The following XKR9 variants were observed in gnomAD, a reference collection of about 807,000 sequenced individuals.
XKR9 encodes XK related 9.
A neutral mutation model predicts 32.0 loss-of-function variants in XKR9; 32 were observed. That is an observed-to-expected ratio of 1.00 (90% CI 0.76 to 1.34). The LOEUF is 1.34. XKR9 is among the 40% of genes most tolerant of loss of function. The pLI, the probability that XKR9 is intolerant of heterozygous loss-of-function variation, is 0.00. For synonymous variants in XKR9, 168 were observed against 143.4 expected, an observed-to-expected ratio of 1.17 and a Z score of -1.22; for missense variants, 546 against 429.7, an observed-to-expected ratio of 1.27 and a Z score of -2.39.
chr8:70,679,162 A>T (rs1818983468), intron 2 of XKR9, among the ~76,000 whole-genome samples: 1 of 152,062 alleles, frequency 6.6e-6, no homozygotes, highest in Admixed American at 6.6e-5. Flanking sequence ...CTATTGCATC[A>T]GGGCTCCAGA....
chr8:70,856,520 A>G, the XKR9 span, among the ~76,000 whole-genome samples: 1 of 152,144 alleles, frequency 6.6e-6, no homozygotes, highest in African/African-American at 2.4e-5. Context: ...GCACAATAAT[A>G]ATGGGAGACT....
chr8:70,894,793 C>A, the XKR9 span, among the ~76,000 whole-genome samples: 1 of 152,040 alleles, frequency 6.6e-6, no homozygotes, highest in Admixed American at 6.5e-5. Flanking sequence ...TGAAACGACT[C>A]CACTTCTGCT....
At position 70,681,038 on chromosome 8, in the gene XKR9, G is replaced by A. The variant is rs375091216; in HGVS notation, c.-21G>A. 90 of 1,573,656 alleles carry A rather than the reference G, an allele frequency of 5.7e-5. 1 individual carries two copies. Among genetic ancestry groups the A allele is most frequent in the Non-Finnish European group, 7.2e-5 (84 of 1,160,446 alleles). ...TGTGAGGGAGAAAAAAGTAGATAACGAAAAGCTATAGTCATTCGTAATGAA... is the reference window on the plus strand; with the variant it reads ...TGTGAGGGAGAAAAAAGTAGATAACAAAAAGCTATAGTCATTCGTAATGAA... On this transcript the variant is annotated 5_prime_UTR_variant, in exon 3 of 5. Coordinates refer to ENST00000408926, the MANE Select transcript of XKR9 (RefSeq NM_001011720.2).
At chr8:70,761,083 T>C (rs1807302734) in intron 2 of XKR9, among the ~76,000 whole-genome samples, 1 of 152,264 alleles carries the variant, frequency 6.6e-6, no homozygotes, top group African/African-American at 2.4e-5. Context: ...ACAGTGCTTA[T>C]GTACCACATT....
the XKR9 span, among the ~76,000 whole-genome samples, chr8:70,932,379 T>C: frequency 1.3e-5 from 2 of 152,064 alleles, no homozygotes; most frequent in Non-Finnish European, 2.9e-5. Context: ...AGCTGGACTT[T>C]TAAGGATGCA....
intron 2 of XKR9, among the ~76,000 whole-genome samples, chr8:70,787,411 T>C (rs1807702523): frequency 6.6e-6 from 1 of 152,106 alleles, no homozygotes. Context: ...AAATCTTCAA[T>C]GCAAAATAGG....
At chr8:70,901,666 T>C in the XKR9 span, among the ~76,000 whole-genome samples, 1 of 152,214 alleles carries the variant, frequency 6.6e-6, no homozygotes, top group Non-Finnish European at 1.5e-5. Context: ...TTAGTTTAAT[T>C]AGATCCAATT....
At chr8:70,739,655 C>T (rs781768502), downstream of XKR9, among the ~76,000 whole-genome samples, 2 of 152,024 alleles carry the variant, frequency 1.3e-5, no homozygotes, top group Non-Finnish European at 1.5e-5. Flanking sequence ...TCTTTTAGGG[C>T]AAGCTTGGTG....
chr8:70,982,880 A>G, the XKR9 span, among the ~76,000 whole-genome samples: 17 of 152,270 alleles, frequency 1.1e-4, no homozygotes, highest in East Asian at 2.7e-3. Flanking sequence ...ACATTTTCTA[A>G]GTGGTATTTT....
At chr8:70,813,584 C>A in the XKR9 span, among the ~76,000 whole-genome samples, 1 of 152,006 alleles carries the variant, frequency 6.6e-6, no homozygotes, top group Non-Finnish European at 1.5e-5. Flanking sequence ...TGAACTCAAA[C>A]AAATTTACAA....
intron 4 of XKR9, among the ~76,000 whole-genome samples, chr8:70,708,037 A>C (rs1190737290): frequency 6.6e-6 from 1 of 152,030 alleles, no homozygotes; most frequent in Non-Finnish European, 1.5e-5. Flanking sequence ...ATATCAGTTA[A>C]ACAGTGTCTC....
the XKR9 span, among the ~76,000 whole-genome samples, chr8:70,819,063 G>A: frequency 6.7e-6 from 1 of 149,836 alleles, no homozygotes; most frequent in Non-Finnish European, 1.5e-5. Flanking sequence ...CTGTTTACAG[G>A]CAAAGACATA....
chr8:70,899,321 T>A, the XKR9 span, among the ~76,000 whole-genome samples: 4 of 152,180 alleles, frequency 2.6e-5, no homozygotes, highest in African/African-American at 9.6e-5. Flanking sequence ...ACCAGTGTCT[T>A]TTTCCTTTCC....
intron 1 of XKR9, 82 bp from the exon 2 acceptor site, chr8:70,674,736 A>G (rs6472538): frequency 0.4 from 61,325 of 152,122 alleles, 13,904 homozygotes; most frequent in Non-Finnish European, 0.52. Flanking sequence ...AAAATGCCAC[A>G]TATGACTAAC....
the XKR9 span, among the ~76,000 whole-genome samples, chr8:70,864,009 G>A: frequency 7.9e-5 from 12 of 152,090 alleles, no homozygotes; most frequent in Admixed American, 5.2e-4. Flanking sequence ...AGTCACTTGG[G>A]CATGCAAATC....
At chr8:70,901,173 C>T in the XKR9 span, among the ~76,000 whole-genome samples, 1 of 152,194 alleles carries the variant, frequency 6.6e-6, no homozygotes, top group Non-Finnish European at 1.5e-5. Flanking sequence ...GGTATATACC[C>T]AGTAATGGGA....
chr8:70,810,533 A>G, the XKR9 span, among the ~76,000 whole-genome samples: 3 of 152,234 alleles, frequency 2.0e-5, no homozygotes, highest in Non-Finnish European at 2.9e-5. Flanking sequence ...AGTGTGCTGT[A>G]TTCAGAAACC....
chr8:70,921,355 C>G, the XKR9 span, among the ~76,000 whole-genome samples: 1 of 152,132 alleles, frequency 6.6e-6, no homozygotes, highest in Non-Finnish European at 1.5e-5. Flanking sequence ...CATCTACTCC[C>G]TACCTTTGCT....
At chr8:70,860,101 T>A in the XKR9 span, among the ~76,000 whole-genome samples, 3 of 152,154 alleles carry the variant, frequency 2.0e-5, no homozygotes, top group African/African-American at 7.2e-5. Flanking sequence ...ATGTACTTCA[T>A]AAAAATGCAC....
Sources: gnomAD v4.1 joint callset for allele counts (sites outside exome capture counted in the v4.1 genomes callset) on GRCh38, gnomAD v4.1.1 for gene constraint, MANE v1.5 for transcripts, NCBI Gene and HGNC (gene_info 2026-07-23, HGNC 2026-07-21) for gene names.